SLC35D2: variants seen among roughly 807,000 people sequenced by gnomAD.
The protein encoded by SLC35D2 is nucleotide sugar transporter SLC35D2.
A neutral mutation model predicts 41.8 loss-of-function variants in SLC35D2; 43 were observed. That is an observed-to-expected ratio of 1.03 (90% CI 0.81 to 1.33). The LOEUF is 1.33. SLC35D2 is among the 40% of genes most tolerant of loss of function. The pLI is 0.00. For synonymous variants in SLC35D2, 150 were observed against 163.9 expected, an observed-to-expected ratio of 0.92 and a Z score of 0.65; for missense variants, 380 against 408.4, an observed-to-expected ratio of 0.93 and a Z score of 0.60.
intron 9 of SLC35D2, among the ~76,000 whole-genome samples, chr9:96,333,334 C>T (rs543493921): frequency 4.0e-4 from 61 of 151,754 alleles, no homozygotes; most frequent in African/African-American, 1.3e-3. Flanking sequence ...TGGTGGCTCA[C>T]GCCTGTAATC....
chr9:96,365,237 C>A (rs550530884), intron 2 of SLC35D2, among the ~76,000 whole-genome samples: 1 of 151,934 alleles, frequency 6.6e-6, no homozygotes, highest in African/African-American at 2.4e-5. Flanking sequence ...GTGGTCCCAG[C>A]TATTCGGGAT....
intron 10 of SLC35D2, among the ~76,000 whole-genome samples, chr9:96,322,734 T>TTTTTTA (rs1423067917): frequency 6.8e-6 from 1 of 148,136 alleles, no homozygotes; most frequent in Non-Finnish European, 1.5e-5. Context: ...TTTTTTTTTT[T>TTTTTTA]TTGAGACAGA....
At chr9:96,376,810 T>C (rs1262030050) in intron 1 of SLC35D2, among the ~76,000 whole-genome samples, 1 of 151,358 alleles carries the variant, frequency 6.6e-6, no homozygotes, top group East Asian at 2.0e-4. Flanking sequence ...TTCACCATGT[T>C]GGCTGACCAG....
intron 11 of SLC35D2, among the ~76,000 whole-genome samples, 193 bp downstream of exon 11, chr9:96,321,805 C>A (rs1828244677): frequency 6.6e-6 from 1 of 152,202 alleles, no homozygotes; most frequent in African/African-American, 2.4e-5. Context: ...AAACTGCCAT[C>A]ACACGTGTCC....
At chr9:96,380,630 TTTTG>T (rs1291844114) in intron 1 of SLC35D2, among the ~76,000 whole-genome samples, 1 of 151,008 alleles carries the variant, frequency 6.6e-6, no homozygotes, top group African/African-American at 2.4e-5. Flanking sequence ...GCTAGTTTTT[TTTTG>T]TTTGTTTTTT....
At chr9:96,353,223 T>C (rs1478019556) in intron 4 of SLC35D2, among the ~76,000 whole-genome samples, 2 of 152,090 alleles carry the variant, frequency 1.3e-5, no homozygotes, top group African/African-American at 4.8e-5. Flanking sequence ...CATGATACTA[T>C]AACTCTGTAA....
At chr9:96,355,112 T>C (rs1332511208) in intron 4 of SLC35D2, among the ~76,000 whole-genome samples, 1 of 151,406 alleles carries the variant, frequency 6.6e-6, no homozygotes, top group Admixed American at 6.6e-5. Context: ...CTCCGCCTCC[T>C]GGCTCAAGCG....
intron 3 of SLC35D2, among the ~76,000 whole-genome samples, chr9:96,360,496 G>A (rs1312646817): frequency 6.6e-6 from 1 of 151,328 alleles, no homozygotes; most frequent in Non-Finnish European, 1.5e-5. Flanking sequence ...GGGCATGGTG[G>A]CACACATCTA....
intron 6 of SLC35D2, among the ~76,000 whole-genome samples, chr9:96,346,539 G>C (rs1265574891): frequency 3.3e-5 from 5 of 152,152 alleles, no homozygotes; most frequent in African/African-American, 1.2e-4. Flanking sequence ...GAAAGGAGAA[G>C]GCAGCAAACT....
intron 6 of SLC35D2, among the ~76,000 whole-genome samples, chr9:96,346,270 CAGTT>C (rs1016420183): frequency 3.4e-4 from 52 of 152,118 alleles, no homozygotes; most frequent in African/African-American, 1.1e-3. Context: ...CTCAAAGAAA[CAGTT>C]AGACTTGGGG....
intron 3 of SLC35D2, among the ~76,000 whole-genome samples, chr9:96,363,289 A>C (rs560072491): frequency 8.6e-5 from 13 of 151,866 alleles, no homozygotes; most frequent in African/African-American, 3.1e-4. Flanking sequence ...GGCGTGAGCC[A>C]CCACACTGGG....
At chr9:96,345,227 T>C (rs1207535988) in intron 7 of SLC35D2, 72 bp downstream of exon 7, 12 of 760,138 alleles carry the variant, frequency 1.6e-5, no homozygotes, top group Non-Finnish European at 2.7e-5. Context: ...ACTGTACACA[T>C]TCATTTTCAT....
intron 1 of SLC35D2, among the ~76,000 whole-genome samples, chr9:96,376,645 C>G (rs1005411639): frequency 2.0e-5 from 3 of 151,390 alleles, no homozygotes; most frequent in African/African-American, 4.9e-5. Context: ...GGTTGGTGGG[C>G]GCCCATAATC....
At position 96,321,002 on chromosome 9, in the gene SLC35D2, T is replaced by G; in HGVS notation, c.*240A>C. On this transcript the variant is annotated 3_prime_UTR_variant, in exon 12 of 12. Coordinates refer to ENST00000253270, the MANE Select transcript of SLC35D2 (RefSeq NM_007001.3). ...AGCAGCTGGGGCTCCACCTACCGAGTCCCAGTGGCTTATTTTGAAAAGATT... is the reference window on the plus strand; with the variant it reads ...AGCAGCTGGGGCTCCACCTACCGAGGCCCAGTGGCTTATTTTGAAAAGATT... 1 of 401,508 alleles carries G rather than the reference T, an allele frequency of 2.5e-6. No individual in the cohort carries two copies. Among genetic ancestry groups the G allele is most frequent in the East Asian group, 4.9e-5 (1 of 20,524 alleles). The allele number at this position is 401,508 out of a possible 1,614,324, so 24.9% of individuals were successfully genotyped here.
intron 8 of SLC35D2, among the ~76,000 whole-genome samples, chr9:96,343,538 G>A (rs1371424280): frequency 6.6e-6 from 1 of 152,186 alleles, no homozygotes; most frequent in East Asian, 1.9e-4. Flanking sequence ...GTAATAGAAA[G>A]TAACAAATAA....
At chr9:96,360,440 C>T (rs1830216711) in intron 3 of SLC35D2, among the ~76,000 whole-genome samples, 2 of 151,752 alleles carry the variant, frequency 1.3e-5, no homozygotes, top group South Asian at 4.2e-4. Context: ...ACCAGACTGA[C>T]CAACACAGCG....
chr9:96,355,683 G>A (rs571791709), intron 4 of SLC35D2, among the ~76,000 whole-genome samples: 170 of 152,020 alleles, frequency 1.1e-3, no homozygotes, highest in Admixed American at 2.0e-3. Context: ...TTTTAGTAGA[G>A]ATGGGGTTTC....
intron 1 of SLC35D2, among the ~76,000 whole-genome samples, chr9:96,369,725 G>A (rs1456134284): frequency 6.6e-6 from 1 of 152,048 alleles, no homozygotes; most frequent in Non-Finnish European, 1.5e-5. Flanking sequence ...GCAGACTTCT[G>A]ACCCCTACCT....
intron 9 of SLC35D2, among the ~76,000 whole-genome samples, chr9:96,334,295 T>C (rs941223228): frequency 1.2e-4 from 19 of 152,142 alleles, no homozygotes; most frequent in African/African-American, 4.6e-4. Context: ...CTTGTCCCTA[T>C]AGAAAAGTGT....
Sources: gnomAD v4.1 joint callset for allele counts (sites outside exome capture counted in the v4.1 genomes callset) on GRCh38, gnomAD v4.1.1 for gene constraint, MANE v1.5 for transcripts, NCBI Gene and HGNC (gene_info 2026-07-23, HGNC 2026-07-21) for gene names.